Variants in SLAIN1 observed in about 807,000 individuals in gnomAD.
SLAIN1 encodes SLAIN family member 1, also known as SLAIN motif-containing protein 1.
SLAIN1 carries 17 observed loss-of-function variants against 55.4 expected under a neutral mutation model. The observed-to-expected ratio is 0.31, with a 90% CI of 0.21 to 0.46. The LOEUF (loss-of-function observed/expected upper bound fraction) is 0.46. SLAIN1 is among the 20% of genes least tolerant of loss of function. The pLI, the probability that SLAIN1 is intolerant of heterozygous loss-of-function variation, is 1.00. For missense variants in SLAIN1, 682 were observed against 785.1 expected, an observed-to-expected ratio of 0.87 and a Z score of 1.57; for synonymous variants, 348 against 337.4, an observed-to-expected ratio of 1.03 and a Z score of -0.35.
intron 1 of SLAIN1, among the ~76,000 whole-genome samples, chr13:77,703,172 AT>A (rs1174433786): frequency 6.6e-6 from 1 of 152,148 alleles, no homozygotes; most frequent in East Asian, 1.9e-4. Flanking sequence ...TGTGGCAAGG[AT>A]TTTTAACTTT....
chr13:77,710,008 A>G lies in SLAIN1; in HGVS notation c.627-9524A>G, dbSNP rs144234862. ...GCTGGTCTTGAACTCCTGACCTCAG[A>G]TGATCTGCCAGGCTCAGCCTCCCAA... is the stretch of plus-strand genomic sequence containing the variant. On this transcript the variant is annotated intron_variant, in intron 1 of 6. Transcript: ENST00000418532. Among the ~76,000 whole-genome samples, 747 of 152,042 alleles carry G rather than the reference A, an allele frequency of 4.9e-3. 6 individuals carry two copies. The highest frequency in any genetic ancestry group is 0.017 in the African/African-American group (715 of 41,466).
chr13:77,738,995 G>A (rs572037341), intron 2 of SLAIN1, among the ~76,000 whole-genome samples: 5 of 152,094 alleles, frequency 3.3e-5, no homozygotes, highest in African/African-American at 4.8e-5. Flanking sequence ...TTAACTGTGC[G>A]ATGCAGTGCT....
chr13:77,704,013 A>AAG lies in SLAIN1; in HGVS notation c.626+5474_626+5475insAG, dbSNP rs57644938. On this transcript the variant is annotated intron_variant, in intron 1 of 6. Transcript: ENST00000418532. ...TAGAAAATATATATACATGTTTTAT[A>AAG]TGTATATATATACATAGAAAATATA... 1.5e-4 allele frequency among the ~76,000 whole-genome samples: 7 copies of AAG among 45,348 alleles called. 3 individuals are homozygous for AAG. The highest frequency in any genetic ancestry group is 4.8e-4 in the Admixed American group (2 of 4,190). The allele number at this position is 45,348 out of a possible 152,430, so 29.8% of individuals were successfully genotyped here. A position where few individuals can be genotyped will look rare whatever the true frequency, so the allele number is the denominator to read the frequency against.
chr13:77,753,360 T>A lies in SLAIN1; in HGVS notation c.1414+2T>A. 6.6e-7 allele frequency: 1 copy of A among 1,526,164 alleles called. No individual in the cohort carries two copies. The highest frequency in any genetic ancestry group is 8.8e-7 in the Non-Finnish European group (1 of 1,130,102). The allele number at this position is 1,526,164 out of a possible 1,614,324, so 94.5% of individuals were successfully genotyped here. On this transcript the variant is annotated splice_donor_variant, in intron 5 of 6. Transcript: ENST00000418532. LOFTEE classifies it high-confidence loss of function. ...GAATTTCAAGAATACAATCTTGTAGTGAGTATAATTATTTGATATAATTAT... is the reference window on the plus strand; with the variant it reads ...GAATTTCAAGAATACAATCTTGTAGAGAGTATAATTATTTGATATAATTAT...
intron 1 of SLAIN1, among the ~76,000 whole-genome samples, chr13:77,714,136 C>T (rs991828472): frequency 2.6e-5 from 4 of 151,950 alleles, no homozygotes; most frequent in Non-Finnish European, 5.9e-5. Flanking sequence ...AAATCCTGCA[C>T]CTTCTGCACA....
chr13:77,702,369 T>C (rs2091039831), intron 1 of SLAIN1, among the ~76,000 whole-genome samples: 1 of 152,106 alleles, frequency 6.6e-6, no homozygotes, highest in African/African-American at 2.4e-5. Flanking sequence ...AATAAAAAGC[T>C]CAAAGGGACT....
At position 77,705,066 on chromosome 13, in the gene SLAIN1, T is replaced by TAC. The variant is rs1566218394; in HGVS notation, c.626+6533_626+6534dup. 2.0e-5 allele frequency among the ~76,000 whole-genome samples: 3 copies of TAC among 151,764 alleles called. No individual in the cohort carries two copies. In the South Asian group the frequency reaches 6.2e-4, roughly 31 times the overall value. On this transcript the variant is annotated intron_variant, in intron 1 of 6. Coordinates refer to ENST00000418532, the MANE Select transcript of SLAIN1 (RefSeq NM_001242868.2). ...TATACAGAGGTTTTATATGTATATA[T>TAC]ACACACATAAAATATATACTTGTGT...
intron 4 of SLAIN1, among the ~76,000 whole-genome samples, chr13:77,751,490 G>T (rs1215785549): frequency 1.3e-5 from 2 of 152,146 alleles, no homozygotes; most frequent in African/African-American, 4.8e-5. Flanking sequence ...ATACACTGTG[G>T]TATCCCCAAC....
intron 2 of SLAIN1, among the ~76,000 whole-genome samples, chr13:77,734,007 G>C (rs1017955355): frequency 1.3e-5 from 2 of 152,148 alleles, no homozygotes; most frequent in African/African-American, 4.8e-5. Flanking sequence ...TTATGAGAGT[G>C]AACCAGTAAA....
intron 2 of SLAIN1, among the ~76,000 whole-genome samples, chr13:77,721,309 C>T (rs1461875849): frequency 4.6e-5 from 7 of 152,116 alleles, no homozygotes; most frequent in African/African-American, 1.7e-4. Context: ...TCTGAGGCCT[C>T]CCCAGCCATG....
rs1192672390 is a variant in SLAIN1 at position 77,764,131 on chromosome 13, T to A, written c.*911T>A. 1.3e-5 allele frequency: 2 copies of A among 152,670 alleles called. No individual in the cohort carries two copies. Among genetic ancestry groups the A allele is most frequent in the Non-Finnish European group, 2.9e-5 (2 of 68,024 alleles). The allele number at this position is 152,670 out of a possible 1,614,324, so 9.5% of individuals were successfully genotyped here. ...TGATAGACCTTTTACAAAATCCATT[T>A]GCACTAATGAATGCTTTCTTATGGC... On this transcript the variant is annotated 3_prime_UTR_variant, in exon 7 of 7. Coordinates refer to ENST00000418532, the MANE Select transcript of SLAIN1 (RefSeq NM_001242868.2).
chr13:77,755,283 C>T (rs978802900), intron 5 of SLAIN1, among the ~76,000 whole-genome samples: 18 of 151,480 alleles, frequency 1.2e-4, no homozygotes, highest in African/African-American at 3.9e-4. Context: ...TGCACCACTG[C>T]ACTCCAGCCT....
intron 2 of SLAIN1, chr13:77,741,416 G>C (rs930592659): frequency 1.0e-5 from 10 of 987,434 alleles, no homozygotes; most frequent in Non-Finnish European, 1.2e-5. Context: ...TTCTGGCTCC[G>C]ATTGGGAAAA....
rs1443658833 is a variant in SLAIN1 at position 77,697,858 on chromosome 13, G to T, written c.-56G>T. ...GAGCCGTAGCCTCCCCGTGGCCCGA[G>T]GAGCCGGCGCGGCGGCGCGCACTCC... On this transcript the variant is annotated 5_prime_UTR_variant, in exon 1 of 7. The change creates a new upstream start codon in the 5' untranslated region. Transcript: ENST00000418532. 1 of 1,266,692 alleles carries T rather than the reference G, an allele frequency of 7.9e-7. No homozygotes were observed. The highest frequency in any genetic ancestry group is 1.6e-5 in the African/African-American group (1 of 62,580). The allele number at this position is 1,266,692 out of a possible 1,614,324, so 78.5% of individuals were successfully genotyped here.
At chr13:77,727,706 T>C (rs1375537355) in intron 2 of SLAIN1, among the ~76,000 whole-genome samples, 2 of 152,200 alleles carry the variant, frequency 1.3e-5, no homozygotes, top group African/African-American at 2.4e-5. Context: ...TTAATAGTTA[T>C]GCCTCATCCC....
intron 2 of SLAIN1, among the ~76,000 whole-genome samples, chr13:77,724,885 C>T (rs2091293650): frequency 6.6e-6 from 1 of 152,006 alleles, no homozygotes; most frequent in Non-Finnish European, 1.5e-5. Context: ...TTAATTTCTC[C>T]CTTGGGCAGT....
intron 2 of SLAIN1, among the ~76,000 whole-genome samples, chr13:77,743,888 G>C (rs1292155795): frequency 6.6e-6 from 1 of 151,852 alleles, no homozygotes; most frequent in Non-Finnish European, 1.5e-5. Context: ...TCAGACAAGT[G>C]TGTCTTATTA....
intron 6 of SLAIN1, among the ~76,000 whole-genome samples, chr13:77,762,814 A>G (rs1875143782): frequency 6.6e-6 from 1 of 152,186 alleles, no homozygotes; most frequent in Admixed American, 6.5e-5. Flanking sequence ...GTAACCATTT[A>G]TGTTTTTAGG....
intron 5 of SLAIN1, among the ~76,000 whole-genome samples, chr13:77,754,555 G>A (rs879741609): frequency 6.6e-6 from 1 of 152,164 alleles, no homozygotes; most frequent in Admixed American, 6.5e-5. Flanking sequence ...TCCACGTGCT[G>A]TTCTTCTCTG....
Sources: allele counts gnomAD v4.1 joint callset (sites outside exome capture counted in the v4.1 genomes callset), GRCh38; gene constraint gnomAD v4.1.1; transcripts MANE v1.5; gene names NCBI Gene and HGNC (gene_info 2026-07-23, HGNC 2026-07-21).